Variants in PTK2 observed in about 807,000 individuals in gnomAD.
PTK2 encodes the protein protein tyrosine kinase 2.
In PTK2, 45 loss-of-function variants were observed where a neutral mutation model predicts 150.1. That is an observed-to-expected ratio of 0.30 (90% CI 0.24 to 0.38). The LOEUF (loss-of-function observed/expected upper bound fraction) is 0.38, where lower values mean the gene tolerates loss of function less well. Ranked by LOEUF, PTK2 falls within the 10% of genes least tolerant of loss-of-function variation. The pLI is 1.00. For synonymous variants in PTK2, 432 were observed against 449.2 expected (o/e 0.96, Z 0.48); for missense variants, 919 against 1,307.3 (o/e 0.70, Z 4.58).
At chr8:140,703,452 C>T (rs13273922) in intron 24 of PTK2, among the ~76,000 whole-genome samples, 132,542 of 152,096 alleles carry the variant, frequency 0.87, 58,580 homozygotes, top group African/African-American at 0.97. Flanking sequence ...AAACAAGAAA[C>T]TGTTTCTTTG....
At chr8:140,773,782 G>C (rs1021965322) in intron 14 of PTK2, among the ~76,000 whole-genome samples, 2 of 152,132 alleles carry the variant, frequency 1.3e-5, no homozygotes, top group Non-Finnish European at 2.9e-5. Flanking sequence ...TCCTTTTAAA[G>C]GAAAAGAGAG....
At position 140,664,074 on chromosome 8, in the gene PTK2, C is replaced by T. The variant is rs142399902; in HGVS notation, c.2946+843G>A. Among the ~76,000 whole-genome samples, 286 of 152,276 alleles carry T rather than the reference C, an allele frequency of 1.9e-3. 2 individuals are homozygous for T. Among genetic ancestry groups the T allele is most frequent in the African/African-American group, 6.6e-3 (273 of 41,558 alleles). ...TCTCGGCTCACTGCAACCTCCACCT[C>T]CCGGGTTCAAGTCATTCTCCTGTCT... is the stretch of plus-strand genomic sequence containing the variant. On this transcript the variant is annotated intron_variant, in intron 31 of 31. Transcript: ENST00000522684.
chr8:140,985,568 TC>T (rs1406635626), intron 1 of PTK2, among the ~76,000 whole-genome samples: 1 of 152,292 alleles, frequency 6.6e-6, no homozygotes, highest in Non-Finnish European at 1.5e-5. Flanking sequence ...TAGAACCTTT[TC>T]CCCCATCCTT....
At chr8:140,838,304 G>A (rs2100120050) in intron 7 of PTK2, among the ~76,000 whole-genome samples, 1 of 152,144 alleles carries the variant, frequency 6.6e-6, no homozygotes, top group Admixed American at 6.5e-5. Context: ...CAAGTTACTA[G>A]CCAAAACCAA....
chr8:140,856,836 G>C (rs187932105), intron 5 of PTK2, among the ~76,000 whole-genome samples: 84 of 152,308 alleles, frequency 5.5e-4, no homozygotes, highest in African/African-American at 1.9e-3. Context: ...TTATGTTGAA[G>C]TGTGCTGACA....
intron 2 of PTK2, among the ~76,000 whole-genome samples, chr8:140,901,561 T>C (rs1030828639): frequency 1.3e-5 from 2 of 151,608 alleles, no homozygotes; most frequent in African/African-American, 2.4e-5. Context: ...ATAAAGAGCT[T>C]AGAAAACTCA....
intron 10 of PTK2, among the ~76,000 whole-genome samples, chr8:140,806,711 G>A (rs143033406): frequency 0.023 from 3,556 of 152,154 alleles, 55 homozygotes; most frequent in Non-Finnish European, 0.037. Context: ...TTACTAAGTA[G>A]GTGCGTCTGA....
chr8:140,832,463 T>A (rs1347247630), intron 7 of PTK2, among the ~76,000 whole-genome samples: 1 of 152,196 alleles, frequency 6.6e-6, no homozygotes, highest in Non-Finnish European at 1.5e-5. Context: ...CCTACTACCA[T>A]GCAGTGGTGC....
intron 13 of PTK2, among the ~76,000 whole-genome samples, chr8:140,792,227 C>T (rs538734126): frequency 6.6e-6 from 1 of 152,200 alleles, no homozygotes; most frequent in African/African-American, 2.4e-5. Flanking sequence ...GTGGTTTATG[C>T]TGAACTCTTG....
chr8:140,927,975 A>AAAAAAAAAAAAAAAAAAAAAAATATAT, intron 1 of PTK2, among the ~76,000 whole-genome samples: 3 of 48,192 alleles, frequency 6.2e-5, no homozygotes, highest in Admixed American at 3.9e-4. Context: ...AAAAAAAAAA[A>AAAAAAAAAAAAAAAAAAAAAAATATAT]ATATATATAT....
chr8:140,965,647 C>G (rs969008739), intron 1 of PTK2, among the ~76,000 whole-genome samples: 1 of 152,188 alleles, frequency 6.6e-6, no homozygotes, highest in Non-Finnish European at 1.5e-5. Flanking sequence ...GAGGCTAGGG[C>G]AGGTGGATCA....
At chr8:140,942,868 C>T (rs955154022) in intron 1 of PTK2, among the ~76,000 whole-genome samples, 2 of 152,012 alleles carry the variant, frequency 1.3e-5, no homozygotes, top group African/African-American at 4.8e-5. Flanking sequence ...ATCACGGGGG[C>T]GTATTCCTCA....
chr8:140,762,924 G>C (rs547705577), intron 15 of PTK2, among the ~76,000 whole-genome samples: 8 of 152,238 alleles, frequency 5.3e-5, no homozygotes, highest in African/African-American at 1.9e-4. Context: ...GAAACAACAG[G>C]TGCATGCTAC....
At chr8:140,912,948 A>G (rs2100163814) in intron 2 of PTK2, among the ~76,000 whole-genome samples, 1 of 151,970 alleles carries the variant, frequency 6.6e-6, no homozygotes. Flanking sequence ...TCTGTCTCAA[A>G]AAAAAGAAAA....
At chr8:140,944,609 C>T (rs781651615) in intron 1 of PTK2, among the ~76,000 whole-genome samples, 5 of 152,160 alleles carry the variant, frequency 3.3e-5, no homozygotes, top group East Asian at 3.8e-4. Flanking sequence ...ACAGCGATTA[C>T]GATTTATGAC....
chr8:140,959,273 G>A (rs1429938130), intron 1 of PTK2, among the ~76,000 whole-genome samples: 1 of 151,856 alleles, frequency 6.6e-6, no homozygotes, highest in Non-Finnish European at 1.5e-5. Flanking sequence ...GCTCACGCCT[G>A]TAATCCCAGC....
chr8:140,759,860 C>A (rs1180431243), intron 16 of PTK2, among the ~76,000 whole-genome samples: 1 of 150,502 alleles, frequency 6.6e-6, no homozygotes, highest in Non-Finnish European at 1.5e-5. Flanking sequence ...CACACACACA[C>A]ACACACAAAC....
rs140634080 is a variant in PTK2 at position 140,775,245 on chromosome 8, G to A, written c.1178-10955C>T. Among the ~76,000 whole-genome samples the A allele has an allele frequency of 6.4e-4, 97 of 152,282 alleles. 1 individual carries two copies. In the East Asian group the frequency reaches 0.015, roughly 24 times the overall value. Reference sequence around the variant, plus strand: ...CATGCCTGTAATCCCAGCACTAGGGGAGGCAGAGGTGGGCAGATCACCTGA... The same window carrying A: ...CATGCCTGTAATCCCAGCACTAGGGAAGGCAGAGGTGGGCAGATCACCTGA... On this transcript the variant is annotated intron_variant, in intron 14 of 31. Transcript: ENST00000522684.
rs181455117 is a variant in PTK2, at chr8:140,684,470, G to A, written c.2562+2162C>T. On this transcript the variant is annotated intron_variant, in intron 27 of 31. Transcript: ENST00000522684. Reference sequence around the variant, plus strand: ...AGACTATGGACCAATACCAGTCTGCGGCCCAGGAAGATGGGGACTCCTGTG... The same window carrying A: ...AGACTATGGACCAATACCAGTCTGCAGCCCAGGAAGATGGGGACTCCTGTG... Among the ~76,000 whole-genome samples the A allele has an allele frequency of 3.4e-3, 523 of 152,338 alleles. 16 individuals carry two copies. Among genetic ancestry groups the A allele is most frequent in the Admixed American group, 0.031 (479 of 15,302 alleles).
Sources: gnomAD v4.1 joint callset for allele counts (sites outside exome capture counted in the v4.1 genomes callset) on GRCh38, gnomAD v4.1.1 for gene constraint, MANE v1.5 for transcripts, NCBI Gene and HGNC (gene_info 2026-07-23, HGNC 2026-07-21) for gene names.